FAM200B: variants seen among roughly 807,000 people sequenced by gnomAD.
The protein encoded by FAM200B is zinc finger BED-type containing 11, also known as protein FAM200B.
FAM200B carries 32 observed loss-of-function variants against 33.1 expected under a neutral mutation model. That is an observed-to-expected ratio of 0.97 (90% confidence interval 0.73 to 1.30). The LOEUF (loss-of-function observed/expected upper bound fraction) is 1.30, where lower values mean the gene tolerates loss of function less well. Among genes scored for constraint, FAM200B ranks in the 50% most tolerant of loss-of-function variants. The pLI is 0.00. For synonymous variants in FAM200B, 240 were observed against 264.8 expected, an observed-to-expected ratio of 0.91 and a Z score of 0.91; for missense variants, 741 against 754.0, an observed-to-expected ratio of 0.98 and a Z score of 0.20.
At chr4:15,665,011 G>A in the FAM200B span, among the ~76,000 whole-genome samples, 9 of 152,098 alleles carry the variant, frequency 5.9e-5, no homozygotes, top group Admixed American at 5.9e-4. Flanking sequence ...CACCCTTAAT[G>A]CAAAGGGCTT....
upstream of FAM200B, among the ~76,000 whole-genome samples, chr4:15,677,238 GT>G (rs1257040692): frequency 6.6e-6 from 1 of 152,102 alleles, no homozygotes; most frequent in African/African-American, 2.4e-5. Flanking sequence ...GGGTATATAT[GT>G]TCGTCTTATT....
chr4:15,674,507 A>G, the FAM200B span, among the ~76,000 whole-genome samples: 1 of 152,190 alleles, frequency 6.6e-6, no homozygotes, highest in South Asian at 2.1e-4. Context: ...TTACGTTTAT[A>G]TATTAGTGAA....
chr4:15,682,815 A>C (rs1465226273), intron 1 of FAM200B, among the ~76,000 whole-genome samples: 2 of 152,210 alleles, frequency 1.3e-5, no homozygotes, highest in East Asian at 3.8e-4. Context: ...AGGCAAAAGG[A>C]ATACTAGCCA....
chr4:15,642,796 T>C, the FAM200B span, among the ~76,000 whole-genome samples: 1 of 152,204 alleles, frequency 6.6e-6, no homozygotes, highest in Non-Finnish European at 1.5e-5. Flanking sequence ...TATTCATAAA[T>C]GCCCATCTGG....
chr4:15,661,182 A>C, the FAM200B span, among the ~76,000 whole-genome samples: 1 of 152,222 alleles, frequency 6.6e-6, no homozygotes, highest in African/African-American at 2.4e-5. Flanking sequence ...GTCTCTACCA[A>C]GGTGATTCTT....
At position 15,687,825 on chromosome 4, in the gene FAM200B, A is replaced by G; in HGVS notation, c.848A>G (p.Gln283Arg). 2.6e-6 allele frequency: 4 copies of G among 1,551,344 alleles called. No individual in the cohort carries two copies. Among genetic ancestry groups the G allele is most frequent in the Non-Finnish European group, 3.5e-6 (4 of 1,146,760 alleles). The change falls in exon 2 of 2, where the codon CAA becomes CGA. Residue 283 changes from glutamine to arginine, a missense_variant. Gln to Arg is a conservative substitution (Grantham distance 43). Transcript: ENST00000422728. ...FTELERRIVG[Q>R]YKLNWKNCKG... ...GAATTAGAAAGGCGCATAGTTGGCC[A>G]ATATAAATTAAACTGGAAAAACTGT...
Position 15,689,048 on chromosome 4 carries a change from T to G in FAM200B, c.*97T>G. On this transcript the variant is annotated 3_prime_UTR_variant, in exon 2 of 2. Coordinates refer to ENST00000422728, the MANE Select transcript of FAM200B (RefSeq NM_001145191.2). Reference sequence around the variant, plus strand: ...ATGGTACTATAATACTGTGATACTTTTGTTATGTTTTAATTTTTGTTATAT... The same window carrying G: ...ATGGTACTATAATACTGTGATACTTGTGTTATGTTTTAATTTTTGTTATAT... 2 of 895,922 alleles carry G rather than the reference T, an allele frequency of 2.2e-6. No homozygotes were observed. Among genetic ancestry groups the G allele is most frequent in the South Asian group, 4.8e-5 (1 of 20,992 alleles). The allele number at this position is 895,922 out of a possible 1,614,324, so 55.5% of individuals were successfully genotyped here.
the FAM200B span, among the ~76,000 whole-genome samples, chr4:15,640,249 C>G: frequency 6.6e-6 from 1 of 151,652 alleles, no homozygotes; most frequent in Non-Finnish European, 1.5e-5. Flanking sequence ...GCTATTTTTC[C>G]CAGGCTGGTC....
chr4:15,655,414 G>A, the FAM200B span: 20 of 1,003,876 alleles, frequency 2.0e-5, no homozygotes, highest in Non-Finnish European at 2.3e-5. Context: ...GCGCCCGGTC[G>A]GCTTGGCCGG....
the FAM200B span, among the ~76,000 whole-genome samples, chr4:15,650,436 C>T: frequency 1.3e-5 from 2 of 151,978 alleles, no homozygotes; most frequent in Middle Eastern, 3.2e-3. Flanking sequence ...AATGCTGTTT[C>T]GGACCCACAA....
chr4:15,664,345 A>T, the FAM200B span, among the ~76,000 whole-genome samples: 1 of 152,078 alleles, frequency 6.6e-6, no homozygotes, highest in African/African-American at 2.4e-5. Flanking sequence ...CCAGCTAGTC[A>T]GCAATGTTTC....
the FAM200B span, chr4:15,638,595 C>T: frequency 1.2e-6 from 2 of 1,613,398 alleles, no homozygotes; most frequent in Non-Finnish European, 1.7e-6. Flanking sequence ...CTAAGGAGTT[C>T]TGCAGTATCC....
chr4:15,687,495 C>T lies in FAM200B; in HGVS notation c.518C>T (p.Pro173Leu). Residue 173 changes from proline (P) to leucine (L), a missense_variant, in exon 2 of 2, where the codon CCA becomes CTA. Transcript: ENST00000422728. ...ANTAAEKIIL[P>L]ACLDMVRTIF... ...ACAGCTGCTGAAAAAATTATTCTTC[C>T]AGCATGTTTGGATATGGTGCGTACA... 6.4e-7 allele frequency: 1 copy of T among 1,551,020 alleles called. No individual in the cohort carries two copies. Among genetic ancestry groups the T allele is most frequent in the African/African-American group, 1.4e-5 (1 of 73,134 alleles).
At chr4:15,638,120 A>G in the FAM200B span, among the ~76,000 whole-genome samples, 1 of 152,194 alleles carries the variant, frequency 6.6e-6, no homozygotes, top group Non-Finnish European at 1.5e-5. Context: ...AGCAGCCACT[A>G]TGGTCAATAA....
chr4:15,645,405 G>GTAACC, the FAM200B span, among the ~76,000 whole-genome samples: 12 of 152,176 alleles, frequency 7.9e-5, no homozygotes, highest in African/African-American at 2.9e-4. Context: ...ACTTAACTGT[G>GTAACC]TAACCCTGGG....
chr4:15,671,637 G>A, the FAM200B span, among the ~76,000 whole-genome samples: 5 of 151,980 alleles, frequency 3.3e-5, no homozygotes, highest in African/African-American at 9.7e-5. Flanking sequence ...TGGGTTTATG[G>A]TTTCCATCAA....
At chr4:15,659,358 T>G in the FAM200B span, among the ~76,000 whole-genome samples, 1 of 152,164 alleles carries the variant, frequency 6.6e-6, no homozygotes, top group African/African-American at 2.4e-5. Context: ...CAAGCTATAT[T>G]TAAAGTCCTA....
At chr4:15,658,216 A>T in the FAM200B span, among the ~76,000 whole-genome samples, 1 of 152,232 alleles carries the variant, frequency 6.6e-6, no homozygotes, top group Non-Finnish European at 1.5e-5. Flanking sequence ...ATTAGTTGTG[A>T]AAACAAGCAA....
chr4:15,649,945 T>C, the FAM200B span, among the ~76,000 whole-genome samples: 1 of 152,188 alleles, frequency 6.6e-6, no homozygotes, highest in Non-Finnish European at 1.5e-5. Context: ...ATGACTTTTC[T>C]ACATACACAA....
Sources: gnomAD v4.1 joint callset for allele counts (sites outside exome capture counted in the v4.1 genomes callset) on GRCh38, gnomAD v4.1.1 for gene constraint, MANE v1.5 for transcripts, NCBI Gene and HGNC (gene_info 2026-07-23, HGNC 2026-07-21) for gene names.